The following YTHDF1 variants were observed in gnomAD, a reference collection of about 807,000 sequenced individuals.
The protein encoded by YTHDF1 is YTH N6-methyladenosine RNA binding protein F1.
Under a neutral mutation model 49.1 loss-of-function variants are expected in YTHDF1, and 16 were observed. The ratio of observed to expected loss-of-function variants is 0.33; its 90% CI spans 0.22 to 0.49. The LOEUF (loss-of-function observed/expected upper bound fraction) is 0.49, where lower values mean the gene tolerates loss of function less well. Among genes scored for constraint, YTHDF1 ranks in the 20% least tolerant of loss-of-function variants. The probability of loss-of-function intolerance (pLI) is 0.99; values close to 1 mark genes in which losing one functional copy is unlikely to be tolerated. For synonymous variants in YTHDF1, 313 were observed against 290.1 expected (o/e 1.08, Z -0.80); for missense variants, 621 against 744.3 (o/e 0.83, Z 1.93).
chr20:63,215,920 G>A lies in YTHDF1; in HGVS notation c.-28C>T. The A allele has an allele frequency of 2.2e-6, 3 of 1,373,202 alleles. No individual in the cohort carries two copies. Among genetic ancestry groups the A allele is most frequent in the East Asian group, 3.2e-5 (1 of 31,292 alleles). The allele number at this position is 1,373,202 out of a possible 1,614,324, so 85.1% of individuals were successfully genotyped here. A position where few individuals can be genotyped will look rare whatever the true frequency, so the allele number is the denominator to read the frequency against. On this transcript the variant is annotated 5_prime_UTR_variant, in exon 1 of 5. Transcript: ENST00000370339. ...TTCATGAACAACTAGACGCGGGGCC[G>A]GGGCGCCCGCCGGCTCGGGCCTCCC...
At chr20:63,210,918 G>A (rs1030072135) in intron 3 of YTHDF1, among the ~76,000 whole-genome samples, 1 of 152,182 alleles carries the variant, frequency 6.6e-6, no homozygotes, top group Non-Finnish European at 1.5e-5. Flanking sequence ...GGCTACAGTC[G>A]CAAGCGCCTC....
At chr20:63,213,432 C>CA (rs2066585318) in intron 3 of YTHDF1, among the ~76,000 whole-genome samples, 1 of 152,092 alleles carries the variant, frequency 6.6e-6, no homozygotes, top group Non-Finnish European at 1.5e-5. Context: ...GACGCTGTCT[C>CA]AAAAAAAGGA....
chr20:63,212,982 G>T (rs1445955431), intron 3 of YTHDF1, among the ~76,000 whole-genome samples: 1 of 152,248 alleles, frequency 6.6e-6, no homozygotes, highest in African/African-American at 2.4e-5. Context: ...ACTGGGCCCT[G>T]CTGTATCAGG....
Position 63,203,700 on chromosome 20 carries a change from G to A in YTHDF1, c.240C>T (p.Asp80=), listed in dbSNP as rs1205643036. 1 of 1,614,230 alleles carries A rather than the reference G, an allele frequency of 6.2e-7. No individual in the cohort carries two copies. Among genetic ancestry groups the A allele is most frequent in the African/African-American group, 1.3e-5 (1 of 75,044 alleles). ...LNEAPWSTAG[D]PPIPYLTTYG... ...AGGTGGTGAGGTATGGAATCGGAGG[G>A]TCCCCTGCAGTAGACCACGGAGCCT... is the stretch of plus-strand genomic sequence containing the variant. Residue 80 remains aspartate (D), a synonymous_variant, in exon 4 of 5, where the codon GAC becomes GAT. Transcript: ENST00000370339. This position sits in a 1 kb window ranked among gnomAD's most constrained non-coding sequence, Gnocchi z 4.4.
intron 3 of YTHDF1, among the ~76,000 whole-genome samples, chr20:63,213,494 A>C (rs1328888068): frequency 6.6e-6 from 1 of 152,196 alleles, no homozygotes; most frequent in African/African-American, 2.4e-5. Context: ...CCCAGCTCTT[A>C]GCTGCCTCCC....
chr20:63,215,651 G>A (rs758664113), intron 1 of YTHDF1, 50 bp from the exon 2 acceptor site: 22 of 1,575,414 alleles, frequency 1.4e-5, no homozygotes, highest in South Asian at 2.3e-5. Flanking sequence ...CGGGGGAAGA[G>A]GGAAACACAA....
In YTHDF1 at chr20:63,196,503, C is replaced by T; in HGVS notation, c.*205G>A. On this transcript the variant is annotated 3_prime_UTR_variant, in exon 5 of 5. Transcript: ENST00000370339. ...TGATAAGCTGACAAAAAAAATACTC[C>T]TTTATTAGTGACTTCTACAGGATTA... 4.0e-6 allele frequency: 2 copies of T among 496,494 alleles called. No individual in the cohort carries two copies. The highest frequency in any genetic ancestry group is 3.9e-5 in the Admixed American group (1 of 25,618). The allele number at this position is 496,494 out of a possible 1,614,324, so 30.8% of individuals were successfully genotyped here.
At chr20:63,214,316 C>T (rs776729996) in intron 2 of YTHDF1, among the ~76,000 whole-genome samples, 1 of 152,162 alleles carries the variant, frequency 6.6e-6, no homozygotes, top group African/African-American at 2.4e-5. Context: ...TATGCCCAAA[C>T]GTATGGAGAA....
chr20:63,199,558 A>G (rs1210192497), intron 4 of YTHDF1, among the ~76,000 whole-genome samples: 1 of 151,608 alleles, frequency 6.6e-6, no homozygotes, highest in Non-Finnish European at 1.5e-5. Context: ...CTGACTCTTC[A>G]TGGGAAACCC....
rs151192401 is a variant in YTHDF1 at position 63,203,478 on chromosome 20, G to A, written c.462C>T (p.Pro154=). 5 of 1,613,380 alleles carry A rather than the reference G, an allele frequency of 3.1e-6. No individual in the cohort carries two copies. The African/African-American group carries it at 6.7e-5, about 22-fold the overall frequency. Residue 154 remains proline, a synonymous_variant, in exon 4 of 5, where the codon CCC becomes CCT. Coordinates refer to ENST00000370339, the MANE Select transcript of YTHDF1 (RefSeq NM_017798.4). The surrounding 1 kb of genome is among the most constrained non-coding windows in gnomAD (Gnocchi z 4.4). The part of the protein sequence containing the change: ...SSAYGSSYTY[P]PSSLGGTVVD... ...CCACCGTGCCACCCAGGGAGCTCGG[G>A]GGGTAGGTGTAGCTGCTCCCATACG...
chr20:63,207,196 C>T (rs1324758988), intron 3 of YTHDF1, among the ~76,000 whole-genome samples: 1 of 152,184 alleles, frequency 6.6e-6, no homozygotes, highest in Non-Finnish European at 1.5e-5. Context: ...ACCCCGGGCA[C>T]GGTGACTCAT....
rs780025370 is a variant in YTHDF1, at chr20:63,203,053, G to A, written c.887C>T (p.Pro296Leu). 5 of 1,605,884 alleles carry A rather than the reference G, an allele frequency of 3.1e-6. No homozygotes were observed. Among genetic ancestry groups the A allele is most frequent in the African/African-American group, 2.7e-5 (2 of 74,776 alleles). The change falls in exon 4 of 5, where the codon CCA becomes CTA. Residue 296 changes from proline (P) to leucine (L), a missense_variant. Pro to Leu is a moderately conservative substitution (Grantham distance 98, BLOSUM62 -3). Transcript: ENST00000370339. The surrounding 1 kb of genome is among the most constrained non-coding windows in gnomAD (Gnocchi z 4.4). ...AGGCTGAGCCACCTGCTGGGGCTGT[G>A]GGGCAGCCTGTGGAGAGGGTGCCTG... ...PQQAPSPQAA[P>L]QPQQVAQPLP...
At chr20:63,199,074 T>C (rs998818817) in intron 4 of YTHDF1, among the ~76,000 whole-genome samples, 3 of 152,258 alleles carry the variant, frequency 2.0e-5, no homozygotes, top group African/African-American at 2.4e-5. Context: ...AACTTGTTTA[T>C]GACCTTTACA....
chr20:63,203,291 A>G lies in YTHDF1; in HGVS notation c.649T>C (p.Ser217Pro). Residue 217 changes from serine (S) to proline (P), a missense_variant, in exon 4 of 5, where the codon TCT becomes CCT. Ser to Pro is a moderately conservative substitution (Grantham distance 74, BLOSUM62 -1). Transcript: ENST00000370339. This position sits in a 1 kb window ranked among gnomAD's most constrained non-coding sequence, Gnocchi z 4.4. ...TTCACATTTGTCCCACCGTTGCCAG[A>G]AAGGACACCAGTCAGTGCCACGCTG... is the stretch of plus-strand genomic sequence containing the variant. Reference protein sequence around the residue: ...VSSVALTGVLSGNGGTNVNMP... With the variant: ...VSSVALTGVLPGNGGTNVNMP... The G allele has an allele frequency of 1.2e-6, 2 of 1,613,828 alleles. No individual in the cohort carries two copies. The highest frequency in any genetic ancestry group is 1.1e-5 in the South Asian group (1 of 91,082).
Position 63,203,673 on chromosome 20 carries a change from G to A in YTHDF1, c.267C>T (p.Tyr89=), listed in dbSNP as rs752258620. The A allele has an allele frequency of 1.9e-5, 31 of 1,614,084 alleles. No homozygotes were observed. Among genetic ancestry groups the A allele is most frequent in the East Asian group, 6.7e-5 (3 of 44,902 alleles). The stretch of plus-strand genomic sequence containing the variant: ...GATGGTCTCCGTTACTGAGCTGTCC[G>A]TAGGTGGTGAGGTATGGAATCGGAG... ...GDPPIPYLTT[Y]GQLSNGDHHF... Residue 89 remains tyrosine (Y), a synonymous_variant, in exon 4 of 5, where the codon TAC becomes TAT. Transcript: ENST00000370339. This position sits in a 1 kb window ranked among gnomAD's most constrained non-coding sequence, Gnocchi z 4.4.
chr20:63,196,842 C>T (rs1459677727), intron 4 of YTHDF1, 108 bp from the exon 5 acceptor site: 28 of 1,332,654 alleles, frequency 2.1e-5, no homozygotes, highest in Non-Finnish European at 2.8e-5. Context: ...AATCTGGAGG[C>T]GGGACCCTGA....
intron 3 of YTHDF1, among the ~76,000 whole-genome samples, chr20:63,204,718 AGAAGGTGAGTGCCT>A: frequency 6.6e-6 from 1 of 152,158 alleles, no homozygotes; most frequent in Non-Finnish European, 1.5e-5. Context: ...GGTCTGCTAG[AGAAGGTGAGTGCCT>A]GAGTGCCCCA....
At chr20:63,201,056 A>G (rs941430207) in intron 4 of YTHDF1, among the ~76,000 whole-genome samples, 10 of 152,218 alleles carry the variant, frequency 6.6e-5, no homozygotes, top group Middle Eastern at 6.8e-3. Flanking sequence ...AAAAAAAAAA[A>G]AGACCTAAAA....
chr20:63,203,858 G>T lies in YTHDF1; in HGVS notation c.133-51C>A. The T allele has an allele frequency of 2.0e-6, 3 of 1,523,992 alleles. No homozygotes were observed. The highest frequency in any genetic ancestry group is 2.7e-6 in the Non-Finnish European group (3 of 1,127,362). 94.4% of individuals were successfully genotyped at this position (1,523,992 alleles called of 1,614,324 possible). ...CACCACTTCTACAACACGAGATGCT[G>T]AGAATGCCAACCGCCTCTTGCTTAA... On this transcript the variant is annotated intron_variant, in intron 3 of 4. Transcript: ENST00000370339. The surrounding 1 kb of genome is among the most constrained non-coding windows in gnomAD (Gnocchi z 4.4).
Sources: gnomAD v4.1 joint callset for allele counts (sites outside exome capture counted in the v4.1 genomes callset) on GRCh38, gnomAD v4.1.1 for gene constraint, Gnocchi (gnomAD v3.1) non-coding constraint, MANE v1.5 for transcripts, NCBI Gene and HGNC (gene_info 2026-07-23, HGNC 2026-07-21) for gene names.